ZNF407: variants seen among roughly 807,000 people sequenced by gnomAD.
ZNF407 encodes the protein zinc finger protein 407.
In ZNF407, 17 loss-of-function variants were observed where a neutral mutation model predicts 131.2. The ratio of observed to expected loss-of-function variants is 0.13; its 90% CI spans 0.09 to 0.19. The LOEUF is 0.19. Among genes scored for constraint, ZNF407 ranks in the 10% least tolerant of loss-of-function variants. The pLI, the probability that ZNF407 is intolerant of heterozygous loss-of-function variation, is 1.00. For synonymous variants in ZNF407, 1,156 were observed against 1,062.0 expected, an observed-to-expected ratio of 1.09 and a Z score of -1.72; for missense variants, 2,681 against 2,830.6, an observed-to-expected ratio of 0.95 and a Z score of 1.20.
At chr18:74,804,069 A>G in intron 4 of ZNF407, 1 of 1,551,494 alleles carries the variant, frequency 6.4e-7, no homozygotes. Context: ...ACTTTTCATA[A>G]CTGATGGGAC....
chr18:74,721,066 TC>T, intron 3 of ZNF407, among the ~76,000 whole-genome samples: 1 of 152,032 alleles, frequency 6.6e-6, no homozygotes, highest in Non-Finnish European at 1.5e-5. Flanking sequence ...TTGCATTAAA[TC>T]TGTACATTTG....
At chr18:74,762,960 C>T (rs1248037024) in intron 3 of ZNF407, among the ~76,000 whole-genome samples, 1 of 151,928 alleles carries the variant, frequency 6.6e-6, no homozygotes, top group Non-Finnish European at 1.5e-5. Flanking sequence ...GGGTAAATAC[C>T]TAAATCTAAA....
chr18:75,037,006 A>C (rs748064114), intron 8 of ZNF407, among the ~76,000 whole-genome samples: 5 of 152,200 alleles, frequency 3.3e-5, no homozygotes, highest in Non-Finnish European at 5.9e-5. Flanking sequence ...CAATCAGTCC[A>C]TCTGGGTAAA....
chr18:74,884,662 TA>T (rs1364001286), intron 6 of ZNF407, among the ~76,000 whole-genome samples: 1 of 152,196 alleles, frequency 6.6e-6, no homozygotes, highest in Non-Finnish European at 1.5e-5. Flanking sequence ...AATACTAGGT[TA>T]ATATGAACTA....
chr18:75,047,738 C>T (rs551693120), intron 8 of ZNF407, among the ~76,000 whole-genome samples: 1 of 152,356 alleles, frequency 6.6e-6, no homozygotes, highest in South Asian at 2.1e-4. Flanking sequence ...ATCAAATGGA[C>T]ATATATAAAA....
chr18:74,618,889 T>C (rs1195294502), intron 1 of ZNF407, among the ~76,000 whole-genome samples: 24 of 152,352 alleles, frequency 1.6e-4, no homozygotes, highest in African/African-American at 5.5e-4. Context: ...TAATAATTTA[T>C]GTTCCATATG....
chr18:74,641,732 G>A (rs6565900), intron 3 of ZNF407, among the ~76,000 whole-genome samples: 73,212 of 151,990 alleles, frequency 0.48, 19,125 homozygotes, highest in African/African-American at 0.69. Flanking sequence ...TGTTGCATTG[G>A]ATAGAAAGTG....
At chr18:74,769,062 G>T (rs1306918078) in intron 3 of ZNF407, among the ~76,000 whole-genome samples, 1 of 152,020 alleles carries the variant, frequency 6.6e-6, no homozygotes, top group Non-Finnish European at 1.5e-5. Flanking sequence ...GAATTACTGT[G>T]CTAGGCACTA....
At chr18:74,617,111 A>C in intron 1 of ZNF407, among the ~76,000 whole-genome samples, 1 of 28,022 alleles carries the variant, frequency 3.6e-5, no homozygotes, top group African/African-American at 1.1e-4. Context: ...ATCCATATCC[A>C]CACACCACAC....
At chr18:74,740,324 C>T (rs938666587) in intron 3 of ZNF407, among the ~76,000 whole-genome samples, 2 of 152,180 alleles carry the variant, frequency 1.3e-5, no homozygotes, top group African/African-American at 2.4e-5. Flanking sequence ...TTTTAGAGCT[C>T]ACCAAGGTAA....
At chr18:74,619,882 T>C (rs1232555297) in intron 1 of ZNF407, among the ~76,000 whole-genome samples, 1 of 152,206 alleles carries the variant, frequency 6.6e-6, no homozygotes, top group Non-Finnish European at 1.5e-5. Context: ...GTTACATTGA[T>C]AATAAAACAA....
chr18:74,817,016 T>G (rs1302226523), intron 4 of ZNF407, among the ~76,000 whole-genome samples: 1 of 152,202 alleles, frequency 6.6e-6, no homozygotes, highest in Non-Finnish European at 1.5e-5. Context: ...TAATTAGGGT[T>G]GATTTTTTAT....
chr18:74,835,630 G>GTGTGTGTGTT (rs777929271), intron 4 of ZNF407, among the ~76,000 whole-genome samples: 5,570 of 21,750 alleles, frequency 0.26, 208 homozygotes, highest in Middle Eastern at 0.4. Flanking sequence ...ACAGAGGGGG[G>GTGTGTGTGTT]TGTGTGTGTG....
chr18:74,936,250 G>A (rs949920896), intron 8 of ZNF407, among the ~76,000 whole-genome samples: 2 of 152,150 alleles, frequency 1.3e-5, no homozygotes, highest in Non-Finnish European at 2.9e-5. Flanking sequence ...CAGTTTGGGT[G>A]TGTTTATCTT....
chr18:75,016,714 G>C (rs1391552034), intron 8 of ZNF407, among the ~76,000 whole-genome samples: 1 of 152,124 alleles, frequency 6.6e-6, no homozygotes, highest in African/African-American at 2.4e-5. Context: ...TCTTGGTGTA[G>C]TTATAAAATT....
chr18:74,681,802 C>T (rs1256687106), intron 3 of ZNF407, among the ~76,000 whole-genome samples: 1 of 152,048 alleles, frequency 6.6e-6, no homozygotes, highest in African/African-American at 2.4e-5. Context: ...TGAAATTTCC[C>T]ATTTTGTAAA....
chr18:74,836,072 G>A (rs1331249074), intron 4 of ZNF407, among the ~76,000 whole-genome samples: 1 of 151,188 alleles, frequency 6.6e-6, no homozygotes, highest in African/African-American at 2.4e-5. Context: ...TAGAAGCTTC[G>A]TGGGACCCAG....
intron 4 of ZNF407, among the ~76,000 whole-genome samples, chr18:74,791,551 A>T (rs1243109087): frequency 1.3e-5 from 2 of 152,154 alleles, no homozygotes; most frequent in Non-Finnish European, 2.9e-5. Flanking sequence ...ACATGAATTT[A>T]TCGATGCTGT....
intron 3 of ZNF407, among the ~76,000 whole-genome samples, chr18:74,759,513 C>G (rs1175098481): frequency 6.7e-6 from 1 of 149,256 alleles, no homozygotes; most frequent in Non-Finnish European, 1.5e-5. Flanking sequence ...GTCATTTTTC[C>G]TCTTCCCCCT....
Sources: allele counts gnomAD v4.1 joint callset (sites outside exome capture counted in the v4.1 genomes callset), GRCh38; gene constraint gnomAD v4.1.1; transcripts MANE v1.5; gene names NCBI Gene and HGNC (gene_info 2026-07-23, HGNC 2026-07-21).